The following RGS7 variants were observed in gnomAD, a reference collection of about 807,000 sequenced individuals.
The protein encoded by RGS7 is regulator of G-protein signaling 7.
In RGS7, 27 loss-of-function variants were observed where a neutral mutation model predicts 81.1. The observed-to-expected ratio is 0.33, with a 90% CI of 0.25 to 0.46. RGS7 has a LOEUF of 0.46. RGS7 is among the 20% of genes least tolerant of loss of function. RGS7 has a pLI of 1.00. For synonymous variants in RGS7, 208 were observed against 207.7 expected, an observed-to-expected ratio of 1.00 and a Z score of -0.01; for missense variants, 396 against 607.4, an observed-to-expected ratio of 0.65 and a Z score of 3.66.
At chr1:241,180,361 C>T (rs765766148) in intron 2 of RGS7, among the ~76,000 whole-genome samples, 100 of 151,758 alleles carry the variant, frequency 6.6e-4, no homozygotes, top group African/African-American at 2.3e-3. Context: ...GGCAACAGAG[C>T]GAGACTCCAT....
intron 2 of RGS7, among the ~76,000 whole-genome samples, chr1:241,173,573 C>A (rs1241107370): frequency 6.6e-6 from 1 of 151,902 alleles, no homozygotes; most frequent in African/African-American, 2.4e-5. Flanking sequence ...TTACTTGAGC[C>A]CAGGAGTTCA....
chr1:240,978,373 A>G (rs1684454460), intron 4 of RGS7, among the ~76,000 whole-genome samples: 1 of 152,252 alleles, frequency 6.6e-6, no homozygotes. Flanking sequence ...AATGAAACAT[A>G]ACTTACAAGA....
At chr1:240,933,967 T>C (rs185641680) in intron 5 of RGS7, among the ~76,000 whole-genome samples, 117 of 152,008 alleles carry the variant, frequency 7.7e-4, no homozygotes, top group African/African-American at 2.7e-3. Flanking sequence ...TAGATTTTTT[T>C]ATTATTATTA....
At chr1:240,948,566 C>T (rs1679035423) in intron 4 of RGS7, among the ~76,000 whole-genome samples, 2 of 152,014 alleles carry the variant, frequency 1.3e-5, no homozygotes, top group Admixed American at 1.3e-4. Flanking sequence ...CCTCAGCCTC[C>T]TGAGTAGCTA....
At chr1:240,965,322 C>T (rs1386036385) in intron 4 of RGS7, among the ~76,000 whole-genome samples, 2 of 152,154 alleles carry the variant, frequency 1.3e-5, no homozygotes, top group African/African-American at 4.8e-5. Context: ...TTCTGTCCCA[C>T]TCTTTACTTT....
intron 2 of RGS7, among the ~76,000 whole-genome samples, chr1:241,308,305 G>T (rs559280570): frequency 2.6e-5 from 4 of 152,242 alleles, no homozygotes; most frequent in African/African-American, 9.6e-5. Context: ...TTACGTTTTG[G>T]TATTTAGCCT....
At chr1:240,950,273 G>T (rs1679340701) in intron 4 of RGS7, among the ~76,000 whole-genome samples, 1 of 152,122 alleles carries the variant, frequency 6.6e-6, no homozygotes, top group Non-Finnish European at 1.5e-5. Context: ...ATCCAAGAAA[G>T]ATCCCTCATG....
chr1:241,297,889 C>T (rs1214904343), intron 2 of RGS7, among the ~76,000 whole-genome samples: 1 of 152,198 alleles, frequency 6.6e-6, no homozygotes, highest in Non-Finnish European at 1.5e-5. Flanking sequence ...CACACACTGG[C>T]TTCGGTCTGA....
chr1:241,102,732 C>T (rs1430220263), intron 2 of RGS7, among the ~76,000 whole-genome samples: 1 of 152,004 alleles, frequency 6.6e-6, no homozygotes, highest in Non-Finnish European at 1.5e-5. Flanking sequence ...CTCCTAAGAA[C>T]CTCTGGGAAA....
chr1:240,836,078 G>A (rs1694682290), intron 9 of RGS7, among the ~76,000 whole-genome samples: 1 of 150,358 alleles, frequency 6.7e-6, no homozygotes, highest in Non-Finnish European at 1.5e-5. Context: ...AAACTACAGA[G>A]TGCAGGTGAT....
chr1:241,219,503 G>C (rs907478108), intron 2 of RGS7, among the ~76,000 whole-genome samples: 3 of 152,178 alleles, frequency 2.0e-5, no homozygotes, highest in Non-Finnish European at 4.4e-5. Flanking sequence ...CGAATACACA[G>C]AGCTTGCAGG....
intron 2 of RGS7, among the ~76,000 whole-genome samples, chr1:241,217,130 T>C (rs1413532713): frequency 6.6e-6 from 1 of 152,028 alleles, no homozygotes; most frequent in African/African-American, 2.4e-5. Context: ...GTCATAGGGG[T>C]GGGGCCCTGA....
chr1:240,885,394 T>G, intron 6 of RGS7, among the ~76,000 whole-genome samples: 1 of 152,162 alleles, frequency 6.6e-6, no homozygotes, highest in East Asian at 1.9e-4. Context: ...GCAATCCCAT[T>G]ACTGGGACTA....
chr1:240,955,003 A>G (rs1680135287), intron 4 of RGS7, among the ~76,000 whole-genome samples: 1 of 152,212 alleles, frequency 6.6e-6, no homozygotes. Flanking sequence ...ATAGCAGCAA[A>G]ATTGGAAATA....
intron 2 of RGS7, among the ~76,000 whole-genome samples, chr1:241,296,809 T>C (rs1308636012): frequency 6.6e-6 from 1 of 152,232 alleles, no homozygotes; most frequent in African/African-American, 2.4e-5. Context: ...TTTTCTATAA[T>C]TACTGGAATG....
Position 241,028,618 on chromosome 1 carries a change from G to A in RGS7, c.176-45489C>T, listed in dbSNP as rs140516175. 3.8e-3 allele frequency among the ~76,000 whole-genome samples: 578 copies of A among 152,294 alleles called. 1 individual carries two copies. The highest frequency in any genetic ancestry group is 0.01 in the Middle Eastern group (3 of 294). On this transcript the variant is annotated intron_variant, in intron 3 of 18. Coordinates refer to ENST00000440928, the MANE Select transcript of RGS7 (RefSeq NM_001364886.1). ...AAAGAACGTGTTTCAGCTGAAAGATGCTGCTGAAGAGGCAGGCAAGATGCA... is the reference window on the plus strand; with the variant it reads ...AAAGAACGTGTTTCAGCTGAAAGATACTGCTGAAGAGGCAGGCAAGATGCA...
At chr1:241,004,305 C>T (rs960876459) in intron 3 of RGS7, among the ~76,000 whole-genome samples, 1 of 152,058 alleles carries the variant, frequency 6.6e-6, no homozygotes, top group African/African-American at 2.4e-5. Context: ...TTGTTCTCTC[C>T]TTTTGTTCAT....
chr1:241,151,565 CTTT>C (rs58097674), intron 2 of RGS7, among the ~76,000 whole-genome samples: 18 of 116,476 alleles, frequency 1.5e-4, no homozygotes, highest in Admixed American at 2.6e-4. Context: ...ATTAGGAACT[CTTT>C]TTTTTTTTTT....
intron 3 of RGS7, among the ~76,000 whole-genome samples, chr1:241,041,199 T>A (rs80063480): frequency 1.0e-3 from 158 of 152,288 alleles, no homozygotes; most frequent in African/African-American, 3.6e-3. Flanking sequence ...GGCTTATTAT[T>A]TTTATTGCTT....
Sources: allele counts gnomAD v4.1 joint callset (sites outside exome capture counted in the v4.1 genomes callset), GRCh38; gene constraint gnomAD v4.1.1; transcripts MANE v1.5; gene names NCBI Gene and HGNC (gene_info 2026-07-23, HGNC 2026-07-21).